Variants in HERC4 observed in about 807,000 individuals in gnomAD.
HERC4 encodes the protein probable E3 ubiquitin-protein ligase HERC4.
Under a neutral mutation model 124.3 loss-of-function variants are expected in HERC4, and 28 were observed. That is an observed-to-expected ratio of 0.23 (90% CI 0.17 to 0.31). The LOEUF (loss-of-function observed/expected upper bound fraction) is 0.31. Among genes scored for constraint, HERC4 ranks in the 10% least tolerant of loss-of-function variants. HERC4 has a pLI of 1.00. For missense variants in HERC4, 713 were observed against 1,229.3 expected, an observed-to-expected ratio of 0.58 and a Z score of 6.28; for synonymous variants, 407 against 421.5, an observed-to-expected ratio of 0.97 and a Z score of 0.42.
At chr10:67,998,563 A>AGGGGG (rs58245126) in intron 9 of HERC4, among the ~76,000 whole-genome samples, 8 of 130,870 alleles carry the variant, frequency 6.1e-5, no homozygotes, top group Admixed American at 2.3e-4. Context: ...AAAAAAAAAA[A>AGGGGG]GGGGGGGGGG....
At chr10:68,044,595 C>G (rs766342354) in intron 3 of HERC4, 32 bp from the exon 4 acceptor site, 3 of 1,592,470 alleles carry the variant, frequency 1.9e-6, no homozygotes, top group Admixed American at 1.8e-5. Flanking sequence ...ATATTGCATT[C>G]TAGTACAGAA....
intron 7 of HERC4, among the ~76,000 whole-genome samples, chr10:68,031,329 T>C (rs1191983730): frequency 6.6e-6 from 1 of 152,178 alleles, no homozygotes; most frequent in Non-Finnish European, 1.5e-5. Flanking sequence ...ACACCACACA[T>C]GATATTTTTT....
At chr10:67,985,412 A>G (rs999913237) in intron 15 of HERC4, among the ~76,000 whole-genome samples, 1 of 152,238 alleles carries the variant, frequency 6.6e-6, no homozygotes. Context: ...CTAAATGTAC[A>G]AAATAAAACC....
Position 67,990,293 on chromosome 10 carries a change from A to G in HERC4, c.1551T>C (p.Ser517=). 2 of 1,612,902 alleles carry G rather than the reference A, an allele frequency of 1.2e-6. No homozygotes were observed. The highest frequency in any genetic ancestry group is 1.7e-6 in the Non-Finnish European group (2 of 1,179,316). Residue 517 remains serine, a synonymous_variant, in exon 14 of 25, where the codon AGT becomes AGC. Transcript: ENST00000373700. ...CTATTGTTGTGAAATTGTTGGAATC[A>G]CTCATCAGGGGACATTCTGGTAGAG... ...YLTLPECPLM[S]DSNNFTTIAI...
At chr10:67,974,962 G>A (rs1490999270) in intron 15 of HERC4, among the ~76,000 whole-genome samples, 3 of 152,106 alleles carry the variant, frequency 2.0e-5, no homozygotes, top group African/African-American at 7.2e-5. Flanking sequence ...AGGCTGAGGT[G>A]GTTGGATCAT....
chr10:67,998,886 T>C (rs1158698113), intron 9 of HERC4, among the ~76,000 whole-genome samples: 1 of 152,026 alleles, frequency 6.6e-6, no homozygotes, highest in East Asian at 1.9e-4. Context: ...ACTACAGGTG[T>C]GCACCACCAT....
rs1390527770 is a variant in HERC4 at position 67,922,342 on chromosome 10, T to C, written c.*589A>G. Reference sequence around the variant, plus strand: ...GTGATTTAGGTTTGCACAAAGACACTTATTCTAGCAAAAAAGAAAAGATAG... The same window carrying C: ...GTGATTTAGGTTTGCACAAAGACACCTATTCTAGCAAAAAAGAAAAGATAG... On this transcript the variant is annotated 3_prime_UTR_variant, in exon 25 of 25. Coordinates refer to ENST00000373700, the MANE Select transcript of HERC4 (RefSeq NM_015601.4). The C allele has an allele frequency of 6.6e-6, 1 of 152,158 alleles. No homozygotes were observed. The highest frequency in any genetic ancestry group is 2.4e-5 in the African/African-American group (1 of 41,442). 9.4% of individuals were successfully genotyped at this position (152,158 alleles called of 1,614,324 possible). A position where few individuals can be genotyped will look rare whatever the true frequency, so the allele number is the denominator to read the frequency against.
intron 23 of HERC4, among the ~76,000 whole-genome samples, chr10:67,925,967 C>A (rs576470944): frequency 2.6e-5 from 4 of 152,274 alleles, no homozygotes; most frequent in African/African-American, 9.6e-5. Flanking sequence ...ACCCTGAGCC[C>A]AAACTACTCA....
intron 9 of HERC4, chr10:68,010,799 C>A: frequency 1.4e-5 from 22 of 1,520,358 alleles, no homozygotes; most frequent in Non-Finnish European, 2.0e-5. Flanking sequence ...CTGTGCATAT[C>A]CCAGGGTGAT....
At chr10:67,936,587 TAGAAAA>T (rs1298941513) in intron 21 of HERC4, among the ~76,000 whole-genome samples, 2 of 152,230 alleles carry the variant, frequency 1.3e-5, no homozygotes, top group Non-Finnish European at 2.9e-5. Context: ...CTATTCAGCT[TAGAAAA>T]CCATGCATTC....
intron 3 of HERC4, among the ~76,000 whole-genome samples, chr10:68,053,827 T>C (rs1238473634): frequency 6.6e-6 from 1 of 152,196 alleles, no homozygotes; most frequent in Non-Finnish European, 1.5e-5. Flanking sequence ...TCATTTTATA[T>C]AGAGAACAAA....
chr10:67,976,986 C>T (rs183707549), intron 15 of HERC4, among the ~76,000 whole-genome samples: 32 of 152,262 alleles, frequency 2.1e-4, no homozygotes, highest in Non-Finnish European at 2.9e-4. Context: ...CCACAAGGAC[C>T]GCAACTACTA....
chr10:68,059,564 AATATTATATATC>A lies in HERC4; in HGVS notation c.226+13307_226+13318del, dbSNP rs1318295218. 6.1e-3 allele frequency among the ~76,000 whole-genome samples: 459 copies of A among 75,856 alleles called. 83 individuals are homozygous for A. Among genetic ancestry groups the A allele is most frequent in the African/African-American group, 0.031 (397 of 12,780 alleles). The allele number at this position is 75,856 out of a possible 152,430, so 49.8% of individuals were successfully genotyped here. ...TATTATATATCATAATATATATCAT[AATATTATATATC>A]ATATTATATATCATATTATATATCA... is the stretch of plus-strand genomic sequence containing the variant. On this transcript the variant is annotated intron_variant, in intron 3 of 24. Transcript: ENST00000373700.
chr10:68,068,085 C>G (rs2041383765), intron 3 of HERC4: 1 of 152,040 alleles, frequency 6.6e-6, no homozygotes, highest in South Asian at 2.1e-4. Context: ...AGTAGCTCAT[C>G]CCTATAAATC....
chr10:67,925,038 A>AT (rs1394149948), intron 24 of HERC4, 47 bp downstream of exon 24: 1 of 1,065,278 alleles, frequency 9.4e-7, no homozygotes, highest in Non-Finnish European at 1.4e-6. Flanking sequence ...TAATACTATA[A>AT]TTAGATTCCA....
chr10:67,947,355 A>T (rs547201743), intron 19 of HERC4, among the ~76,000 whole-genome samples: 1 of 152,370 alleles, frequency 6.6e-6, no homozygotes, highest in Admixed American at 6.5e-5. Flanking sequence ...ATATGATGCA[A>T]AATTGATATG....
intron 22 of HERC4, among the ~76,000 whole-genome samples, chr10:67,934,243 TA>T (rs1406905739): frequency 2.6e-5 from 4 of 152,208 alleles, no homozygotes; most frequent in Non-Finnish European, 5.9e-5. Flanking sequence ...AACATTTCTA[TA>T]TTATTCACAG....
At position 68,004,874 on chromosome 10, in the gene HERC4, G is replaced by A. The variant is rs146698029; in HGVS notation, c.1069+9152C>T. 4.6e-5 allele frequency among the ~76,000 whole-genome samples: 7 copies of A among 152,192 alleles called. No homozygotes were observed. In the East Asian group the frequency reaches 9.6e-4, roughly 21 times the overall value. ...ATTCCATGATTCCATTACCTCCACC[G>A]GGTCTCTCCGTTGACACATGGGGAT... is the stretch of plus-strand genomic sequence containing the variant. On this transcript the variant is annotated intron_variant, in intron 9 of 24. Coordinates refer to ENST00000373700, the MANE Select transcript of HERC4 (RefSeq NM_015601.4).
chr10:68,042,778 C>T (rs1279633927), intron 4 of HERC4, among the ~76,000 whole-genome samples: 2 of 152,066 alleles, frequency 1.3e-5, no homozygotes, highest in African/African-American at 2.4e-5. Flanking sequence ...AAAACCAAAA[C>T]TCTCTTGGCA....
Sources: allele counts gnomAD v4.1 joint callset (sites outside exome capture counted in the v4.1 genomes callset), GRCh38; gene constraint gnomAD v4.1.1; transcripts MANE v1.5; gene names NCBI Gene and HGNC (gene_info 2026-07-23, HGNC 2026-07-21).